The following RAPGEF4 variants were observed in gnomAD, a reference collection of about 807,000 sequenced individuals.
The protein encoded by RAPGEF4 is RAP guanine-nucleotide-exchange factor (GEF) 4.
RAPGEF4 carries 66 observed loss-of-function variants against 147.9 expected under a neutral mutation model. That is an observed-to-expected ratio of 0.45 (90% CI 0.37 to 0.55). The LOEUF (loss-of-function observed/expected upper bound fraction) is 0.55. Among genes scored for constraint, RAPGEF4 ranks in the 20% least tolerant of loss-of-function variants. RAPGEF4 has a pLI of 0.00. For missense variants in RAPGEF4, 1,071 were observed against 1,257.3 expected (o/e 0.85, Z 2.24); for synonymous variants, 419 against 442.7 (o/e 0.95, Z 0.67).
At chr2:172,985,373 C>T in intron 11 of RAPGEF4, 60 bp from the exon 12 acceptor site, 1 of 1,612,750 alleles carries the variant, frequency 6.2e-7, no homozygotes, top group South Asian at 1.1e-5. Flanking sequence ...AAGAGTACAA[C>T]CCTTTTCCAC....
chr2:173,004,513 A>G lies in RAPGEF4; in HGVS notation c.1658+3169A>G, dbSNP rs138261339. On this transcript the variant is annotated intron_variant, in intron 17 of 30. Transcript: ENST00000397081. ...GTATATCCTTCCAGTCTTTTTTTCTATACATATAGATATATGTTTTTAAAT... is the reference window on the plus strand; with the variant it reads ...GTATATCCTTCCAGTCTTTTTTTCTGTACATATAGATATATGTTTTTAAAT... Among the ~76,000 whole-genome samples the G allele has an allele frequency of 1.6e-4, 24 of 152,144 alleles. No homozygotes were observed. The East Asian group carries it at 3.3e-3, about 21-fold the overall frequency.
At chr2:172,761,569 G>A (rs1048831723) in intron 1 of RAPGEF4, among the ~76,000 whole-genome samples, 2 of 152,168 alleles carry the variant, frequency 1.3e-5, no homozygotes, top group Non-Finnish European at 2.9e-5. Flanking sequence ...AAACTAAGAG[G>A]AGTTGTGACT....
intron 9 of RAPGEF4, 194 bp from the exon 10 acceptor site, chr2:172,967,067 G>A (rs1164083576): frequency 1.8e-6 from 1 of 554,132 alleles, no homozygotes; most frequent in Non-Finnish European, 3.2e-6. Context: ...AGAGGGCTGT[G>A]GTGTGCATGA....
intron 10 of RAPGEF4, among the ~76,000 whole-genome samples, chr2:172,982,753 T>C (rs1225066046): frequency 6.6e-6 from 1 of 152,202 alleles, no homozygotes; most frequent in Non-Finnish European, 1.5e-5. Context: ...CTTGAAGGCA[T>C]GTTATTGGAT....
intron 1 of RAPGEF4, among the ~76,000 whole-genome samples, chr2:172,777,402 G>C (rs1037717656): frequency 2.0e-5 from 3 of 151,784 alleles, no homozygotes; most frequent in Admixed American, 6.6e-5. Context: ...TTATGTTCTA[G>C]TGGAGACAAT....
chr2:172,783,775 AGTGT>A (rs10685817), intron 1 of RAPGEF4, among the ~76,000 whole-genome samples: 8 of 147,774 alleles, frequency 5.4e-5, no homozygotes, highest in East Asian at 2.0e-4. Flanking sequence ...TGTATGTGTG[AGTGT>A]GTGTGTGTGT....
chr2:172,831,306 T>C (rs1690316090), intron 4 of RAPGEF4, among the ~76,000 whole-genome samples: 1 of 103,498 alleles, frequency 9.7e-6, no homozygotes, highest in Non-Finnish European at 1.9e-5. Context: ...TTTGCTCTTG[T>C]TGCCCAATCT....
intron 3 of RAPGEF4, among the ~76,000 whole-genome samples, chr2:172,802,761 T>A (rs112701937): frequency 0.12 from 18,706 of 152,206 alleles, 1,197 homozygotes; most frequent in South Asian, 0.2. Flanking sequence ...CCTATGAGCA[T>A]GTAAAATTAA....
intron 27 of RAPGEF4, among the ~76,000 whole-genome samples, chr2:173,034,744 T>G (rs1377363585): frequency 2.0e-5 from 3 of 151,802 alleles, no homozygotes; most frequent in Non-Finnish European, 4.4e-5. Context: ...TGTGGTGGCC[T>G]ACACCTGTGG....
intron 10 of RAPGEF4, among the ~76,000 whole-genome samples, chr2:172,979,276 A>T (rs1021406455): frequency 6.6e-6 from 1 of 152,196 alleles, no homozygotes; most frequent in Non-Finnish European, 1.5e-5. Context: ...CTCCCTCAGG[A>T]CGCAAAAGAA....
chr2:172,839,290 A>G (rs1386404794), intron 4 of RAPGEF4, among the ~76,000 whole-genome samples: 1 of 152,076 alleles, frequency 6.6e-6, no homozygotes, highest in Non-Finnish European at 1.5e-5. Flanking sequence ...AGTGAAAACA[A>G]TGTTATTAAG....
intron 1 of RAPGEF4, among the ~76,000 whole-genome samples, chr2:172,747,661 T>C (rs1694903519): frequency 6.6e-6 from 1 of 152,150 alleles, no homozygotes; most frequent in Admixed American, 6.5e-5. Context: ...GACATGGTCT[T>C]GCTGTGTTGC....
At chr2:172,970,444 A>G (rs1274260541) in intron 10 of RAPGEF4, among the ~76,000 whole-genome samples, 11 of 152,166 alleles carry the variant, frequency 7.2e-5, no homozygotes, top group Admixed American at 7.2e-4. Flanking sequence ...AGGACCCCCA[A>G]CTTTTAAACT....
intron 4 of RAPGEF4, among the ~76,000 whole-genome samples, chr2:172,840,551 G>A (rs962803978): frequency 8.5e-5 from 13 of 152,094 alleles, no homozygotes; most frequent in African/African-American, 2.7e-4. Context: ...GTGTTGGGGC[G>A]AGCTACTCAG....
chr2:172,844,221 T>A (rs1691924636), intron 4 of RAPGEF4, among the ~76,000 whole-genome samples: 1 of 152,144 alleles, frequency 6.6e-6, no homozygotes, highest in Non-Finnish European at 1.5e-5. Context: ...GGCAGAATGG[T>A]CATGGCCTCA....
chr2:172,974,304 A>G (rs1690825799), intron 10 of RAPGEF4, among the ~76,000 whole-genome samples: 2 of 152,200 alleles, frequency 1.3e-5, no homozygotes, highest in South Asian at 2.1e-4. Flanking sequence ...ATAACCTGCC[A>G]TCGTCCAAAG....
chr2:172,917,606 T>G, intron 4 of RAPGEF4, 196 bp from the exon 5 acceptor site: 3 of 680,264 alleles, frequency 4.4e-6, no homozygotes, highest in Non-Finnish European at 5.3e-6. Flanking sequence ...ACATTCAGTC[T>G]TATTCAGGAA....
intron 6 of RAPGEF4, among the ~76,000 whole-genome samples, chr2:172,934,127 T>C (rs1336202483): frequency 6.9e-6 from 1 of 145,732 alleles, no homozygotes; most frequent in Non-Finnish European, 1.5e-5. Flanking sequence ...GTAGAAAAAA[T>C]AACTATATTT....
intron 1 of RAPGEF4, among the ~76,000 whole-genome samples, chr2:172,772,649 A>C (rs1486627357): frequency 6.6e-6 from 1 of 152,194 alleles, no homozygotes; most frequent in Non-Finnish European, 1.5e-5. Flanking sequence ...CAGCTAAAAC[A>C]TTATTTTAAA....
Sources: allele counts gnomAD v4.1 joint callset (sites outside exome capture counted in the v4.1 genomes callset), GRCh38; gene constraint gnomAD v4.1.1; transcripts MANE v1.5; gene names NCBI Gene and HGNC (gene_info 2026-07-23, HGNC 2026-07-21).